The following FAM163A variants were observed in gnomAD, a reference collection of about 807,000 sequenced individuals.
FAM163A encodes the protein protein FAM163A.
In FAM163A, 7 loss-of-function variants were observed where a neutral mutation model predicts 12.0. The ratio of observed to expected loss-of-function variants is 0.58; its 90% CI spans 0.33 to 1.10. The LOEUF (loss-of-function observed/expected upper bound fraction) is 1.10. Ranked by LOEUF, FAM163A falls within the 50% of genes least tolerant of loss-of-function variation. FAM163A has a pLI of 0.03. For synonymous variants in FAM163A, 101 were observed against 91.0 expected (o/e 1.11, Z -0.62); for missense variants, 202 against 218.6 (o/e 0.92, Z 0.48).
intron 2 of FAM163A, among the ~76,000 whole-genome samples, chr1:179,808,747 G>C (rs1694299000): frequency 6.6e-6 from 1 of 152,242 alleles, no homozygotes; most frequent in African/African-American, 2.4e-5. Context: ...ATGACTGCCA[G>C]GAGGCAGTGA....
intron 1 of FAM163A, among the ~76,000 whole-genome samples, chr1:179,788,264 T>C (rs1453425691): frequency 1.3e-5 from 2 of 152,158 alleles, no homozygotes; most frequent in Non-Finnish European, 2.9e-5. Flanking sequence ...CCTCTCTCTT[T>C]CCCACCACCC....
intron 1 of FAM163A, among the ~76,000 whole-genome samples, chr1:179,771,843 C>T (rs889212276): frequency 6.6e-6 from 1 of 152,114 alleles, no homozygotes; most frequent in African/African-American, 2.4e-5. Context: ...GCTGGCCATC[C>T]TCTGCTCTCA....
chr1:179,811,434 C>T (rs1452755837), intron 2 of FAM163A, among the ~76,000 whole-genome samples: 4 of 152,172 alleles, frequency 2.6e-5, no homozygotes, highest in African/African-American at 9.7e-5. Flanking sequence ...GCTAGGGGAA[C>T]GTCCCATGGG....
the FAM163A span, among the ~76,000 whole-genome samples, chr1:179,734,633 A>C: frequency 6.6e-6 from 1 of 152,094 alleles, no homozygotes; most frequent in Non-Finnish European, 1.5e-5. Flanking sequence ...GGGGGTCTCT[A>C]TTTTAAGGGT....
intron 1 of FAM163A, among the ~76,000 whole-genome samples, chr1:179,746,147 A>T (rs2147951905): frequency 6.6e-6 from 1 of 152,356 alleles, no homozygotes; most frequent in Non-Finnish European, 1.5e-5. Context: ...AGGTACTTTC[A>T]TATATTGCTG....
chr1:179,780,161 G>A (rs1689523487), intron 1 of FAM163A, among the ~76,000 whole-genome samples: 1 of 152,132 alleles, frequency 6.6e-6, no homozygotes, highest in Non-Finnish European at 1.5e-5. Flanking sequence ...GGGCCAAAAG[G>A]CACAGGACTA....
rs989737085 is a variant in FAM163A, at chr1:179,798,379, C to G, written c.-135-9419C>G. Among the ~76,000 whole-genome samples, 14 of 152,352 alleles carry G rather than the reference C, an allele frequency of 9.2e-5. 1 individual carries two copies. The East Asian group carries it at 2.7e-3, about 29-fold the overall frequency. On this transcript the variant is annotated intron_variant, in intron 1 of 4. Transcript: ENST00000341785. ...AGGCTCCACTGTGTCTCACACGGGG[C>G]TTGCCCCGTGGGGTTCCCCTGGTGT... is the stretch of plus-strand genomic sequence containing the variant.
intron 2 of FAM163A, among the ~76,000 whole-genome samples, chr1:179,808,177 C>T (rs1694211414): frequency 6.6e-6 from 1 of 151,906 alleles, no homozygotes; most frequent in Non-Finnish European, 1.5e-5. Flanking sequence ...AGCACTGGCC[C>T]GTGGGCCCTG....
intron 1 of FAM163A, among the ~76,000 whole-genome samples, chr1:179,793,733 G>T (rs1691856401): frequency 6.6e-6 from 1 of 152,212 alleles, no homozygotes; most frequent in Non-Finnish European, 1.5e-5. Flanking sequence ...AAAATGAACA[G>T]AAGACAAGTT....
At position 179,807,682 on chromosome 1, in the gene FAM163A, C is replaced by T. The variant is rs116948604; in HGVS notation, c.-135-116C>T. Reference sequence around the variant, plus strand: ...TGGAGGTTTACCTCAAGAAGCAAACCCCTGGAGAGACTTCCACTCTAGAAG... The same window carrying T: ...TGGAGGTTTACCTCAAGAAGCAAACTCCTGGAGAGACTTCCACTCTAGAAG... On this transcript the variant is annotated intron_variant, in intron 1 of 4. Coordinates refer to ENST00000341785, the MANE Select transcript of FAM163A (RefSeq NM_173509.3). 78 of 152,602 alleles carry T rather than the reference C, an allele frequency of 5.1e-4. No homozygotes were observed. In the East Asian group the frequency reaches 0.014, roughly 28 times the overall value. The allele number at this position is 152,602 out of a possible 1,614,324, so 9.5% of individuals were successfully genotyped here.
upstream of FAM163A, among the ~76,000 whole-genome samples, chr1:179,738,612 A>G (rs928570705): frequency 1.3e-5 from 2 of 152,208 alleles, no homozygotes; most frequent in Non-Finnish European, 2.9e-5. Flanking sequence ...AAAAGAAAAA[A>G]TCACATGGCT....
the FAM163A span, among the ~76,000 whole-genome samples, chr1:179,734,910 C>A: frequency 6.6e-6 from 1 of 152,034 alleles, no homozygotes; most frequent in Admixed American, 6.6e-5. Flanking sequence ...TTTCAATTGG[C>A]CAGGGAGACT....
chr1:179,781,365 C>G (rs1689701595), intron 1 of FAM163A, among the ~76,000 whole-genome samples: 2 of 151,798 alleles, frequency 1.3e-5, no homozygotes, highest in Non-Finnish European at 2.9e-5. Context: ...GGCATGATTC[C>G]ACTTCTCTCT....
At chr1:179,811,513 G>T (rs1694697620) in intron 2 of FAM163A, among the ~76,000 whole-genome samples, 1 of 152,198 alleles carries the variant, frequency 6.6e-6, no homozygotes, top group Non-Finnish European at 1.5e-5. Context: ...GACTCATTAG[G>T]CCTGTGGGGG....
the FAM163A span, among the ~76,000 whole-genome samples, chr1:179,729,220 G>A: frequency 6.6e-6 from 1 of 152,144 alleles, no homozygotes; most frequent in Admixed American, 6.5e-5. Flanking sequence ...GACTTCAACA[G>A]TCATTGCCTT....
rs575258086 is a variant in FAM163A, at chr1:179,748,718, G to A, written c.-136+5295G>A. 7.7e-4 allele frequency among the ~76,000 whole-genome samples: 117 copies of A among 152,296 alleles called. 1 individual carries two copies. Among genetic ancestry groups the A allele is most frequent in the Non-Finnish European group, 1.2e-3 (84 of 68,026 alleles). ...GGAACTCTGATAAATTATTAAGTCC[G>A]TCTTGGAGAAGGTGATTTTTGAACT... is the stretch of plus-strand genomic sequence containing the variant. On this transcript the variant is annotated intron_variant, in intron 1 of 4. Transcript: ENST00000341785.
intron 2 of FAM163A, among the ~76,000 whole-genome samples, chr1:179,808,892 C>G (rs183753716): frequency 3.7e-4 from 57 of 152,214 alleles, no homozygotes; most frequent in African/African-American, 1.2e-3. Flanking sequence ...AATGAGCCCT[C>G]CTGAAATCAT....
upstream of FAM163A, among the ~76,000 whole-genome samples, chr1:179,739,526 T>C (rs1683389656): frequency 1.0e-5 from 1 of 99,654 alleles, no homozygotes; most frequent in South Asian, 4.4e-4. Flanking sequence ...ATTATGAGAA[T>C]TGTTTTGTGA....
At chr1:179,773,469 T>C (rs1034357289) in intron 1 of FAM163A, among the ~76,000 whole-genome samples, 7 of 152,206 alleles carry the variant, frequency 4.6e-5, no homozygotes, top group Non-Finnish European at 7.3e-5. Flanking sequence ...GATGTTACCA[T>C]TGGGGGAAAC....
Sources: gnomAD v4.1 joint callset for allele counts (sites outside exome capture counted in the v4.1 genomes callset) on GRCh38, gnomAD v4.1.1 for gene constraint, MANE v1.5 for transcripts, NCBI Gene and HGNC (gene_info 2026-07-23, HGNC 2026-07-21) for gene names.